The following NRXN3 variants were observed in gnomAD, a reference collection of about 807,000 sequenced individuals.
NRXN3 encodes the protein neurexin 3.
In NRXN3, 32 loss-of-function variants were observed where a neutral mutation model predicts 137.6. The ratio of observed to expected loss-of-function variants is 0.23; its 90% CI spans 0.18 to 0.31. The LOEUF (loss-of-function observed/expected upper bound fraction) is 0.31, where lower values mean the gene tolerates loss of function less well. Among genes scored for constraint, NRXN3 ranks in the 10% least tolerant of loss-of-function variants. The pLI, the probability that NRXN3 is intolerant of heterozygous loss-of-function variation, is 1.00. For synonymous variants in NRXN3, 798 were observed against 784.5 expected, an observed-to-expected ratio of 1.02 and a Z score of -0.29; for missense variants, 1,574 against 2,062.5, an observed-to-expected ratio of 0.76 and a Z score of 4.59.
At chr14:78,934,329 G>A (rs779561947) in intron 10 of NRXN3, among the ~76,000 whole-genome samples, 5 of 152,076 alleles carry the variant, frequency 3.3e-5, no homozygotes, top group Non-Finnish European at 7.4e-5. Context: ...TTCATTAAAG[G>A]AAAGTGTCCC....
chr14:79,164,097 C>A (rs780678569), intron 15 of NRXN3, among the ~76,000 whole-genome samples: 24 of 151,884 alleles, frequency 1.6e-4, no homozygotes, highest in Non-Finnish European at 2.9e-4. Context: ...TCCTTAATAA[C>A]CTTATGAATA....
intron 8 of NRXN3, among the ~76,000 whole-genome samples, chr14:78,759,467 G>C (rs901045001): frequency 6.6e-6 from 1 of 152,168 alleles, no homozygotes; most frequent in Non-Finnish European, 1.5e-5. Flanking sequence ...GTAAGCAGAG[G>C]AGTAAATATT....
At chr14:78,827,044 C>T (rs2098968671) in intron 10 of NRXN3, among the ~76,000 whole-genome samples, 1 of 152,096 alleles carries the variant, frequency 6.6e-6, no homozygotes, top group Admixed American at 6.6e-5. Context: ...TTATCCATGC[C>T]TATGTCATGA....
chr14:78,301,251 G>C (rs2076850658), intron 4 of NRXN3, among the ~76,000 whole-genome samples: 1 of 152,148 alleles, frequency 6.6e-6, no homozygotes, highest in South Asian at 2.1e-4. Flanking sequence ...GTTCAGAAGG[G>C]TGGAACTGGG....
chr14:79,170,226 A>G (rs946421868), intron 15 of NRXN3, among the ~76,000 whole-genome samples: 5 of 152,162 alleles, frequency 3.3e-5, no homozygotes, highest in African/African-American at 1.2e-4. Flanking sequence ...TTTATTCTGC[A>G]TTCTAGGAGT....
At position 79,861,652 on chromosome 14, in the gene NRXN3, T is replaced by A; in HGVS notation, c.4404T>A (p.Asn1468Lys). The part of the protein sequence containing the change: ...SPLITSPMFR[N>K]VPTANPTEPG... Reference sequence around the variant, plus strand: ...TAATTACTTCCCCCATGTTCCGTAATGTGCCCACAGCAAACCCCACGGAGC... The same window carrying A: ...TAATTACTTCCCCCATGTTCCGTAAAGTGCCCACAGCAAACCCCACGGAGC... Residue 1468 changes from asparagine to lysine, a missense_variant, in exon 21 of 21, where the codon AAT (asparagine) becomes AAA (lysine). Around this residue, in one of 5 missense-constraint regions of NRXN3, gnomAD observed 320 missense variants for 387.1 expected, o/e 0.83. Transcript: ENST00000335750. The surrounding 1 kb of genome is among the most constrained non-coding windows in gnomAD (Gnocchi z 5.4). 6.2e-7 allele frequency: 1 copy of A among 1,614,144 alleles called. No homozygotes were observed. Among genetic ancestry groups the A allele is most frequent in the Non-Finnish European group, 8.5e-7 (1 of 1,180,032 alleles).
At chr14:79,684,817 G>A (rs1020549281) in intron 17 of NRXN3, among the ~76,000 whole-genome samples, 5 of 152,138 alleles carry the variant, frequency 3.3e-5, no homozygotes, top group Admixed American at 3.3e-4. Flanking sequence ...AGAGGAGATG[G>A]GGATGGGGAG....
intron 6 of NRXN3, among the ~76,000 whole-genome samples, chr14:78,679,127 G>A (rs1178241476): frequency 3.3e-5 from 5 of 152,202 alleles, no homozygotes; most frequent in Non-Finnish European, 2.9e-5. Flanking sequence ...ATAAATGATT[G>A]TTTTCATAGA....
chr14:78,433,305 C>A (rs772029615), intron 4 of NRXN3, among the ~76,000 whole-genome samples: 5 of 152,120 alleles, frequency 3.3e-5, no homozygotes, highest in Non-Finnish European at 2.9e-5. Flanking sequence ...ACTTATGCTT[C>A]AAATCTCTGA....
intron 1 of NRXN3, among the ~76,000 whole-genome samples, chr14:78,227,372 A>C (rs1421031449): frequency 6.6e-6 from 1 of 152,048 alleles, no homozygotes; most frequent in African/African-American, 2.4e-5. Flanking sequence ...CTTATTTGTC[A>C]TATGGAGGTT....
chr14:79,472,409 T>C (rs2096521600), intron 16 of NRXN3, among the ~76,000 whole-genome samples: 1 of 152,196 alleles, frequency 6.6e-6, no homozygotes, highest in Admixed American at 6.5e-5. Context: ...ATAAAAATGA[T>C]TTAGAAATTG....
intron 1 of NRXN3, among the ~76,000 whole-genome samples, chr14:78,174,455 A>T (rs1433841041): frequency 6.6e-6 from 1 of 151,872 alleles, no homozygotes; most frequent in African/African-American, 2.4e-5. Context: ...TCTCCTCTCT[A>T]CAGATGATTC....
intron 17 of NRXN3, among the ~76,000 whole-genome samples, chr14:79,689,417 T>C (rs1310065032): frequency 1.3e-5 from 2 of 152,046 alleles, no homozygotes; most frequent in African/African-American, 4.8e-5. Context: ...ATGTTTGAGA[T>C]AAATTAAAAT....
intron 8 of NRXN3, among the ~76,000 whole-genome samples, chr14:78,792,257 C>CAAAA (rs140968788): frequency 5.1e-4 from 10 of 19,456 alleles, no homozygotes; most frequent in African/African-American, 2.2e-3. Context: ...AGACTAAAGG[C>CAAAA]AAAAAAAAAA....
intron 15 of NRXN3, among the ~76,000 whole-genome samples, chr14:79,350,550 C>T (rs986944292): frequency 2.0e-5 from 3 of 152,106 alleles, no homozygotes; most frequent in Non-Finnish European, 4.4e-5. Flanking sequence ...TCCCTCTGTT[C>T]GGGAGTGTGT....
intron 6 of NRXN3, among the ~76,000 whole-genome samples, chr14:78,656,168 A>AGTCAAACATGT (rs2097783301): frequency 6.6e-6 from 1 of 152,190 alleles, no homozygotes; most frequent in African/African-American, 2.4e-5. Flanking sequence ...TACAAATATG[A>AGTCAAACATGT]GTCAAACATG....
intron 10 of NRXN3, among the ~76,000 whole-genome samples, chr14:78,858,762 T>C (rs2099064339): frequency 6.6e-6 from 1 of 152,206 alleles, no homozygotes; most frequent in Non-Finnish European, 1.5e-5. Context: ...CTGCTCCACA[T>C]GATTCCTTTG....
intron 4 of NRXN3, among the ~76,000 whole-genome samples, chr14:78,461,359 A>G (rs2094915675): frequency 6.6e-6 from 1 of 151,290 alleles, no homozygotes; most frequent in Admixed American, 6.6e-5. Context: ...ACTAATCTCA[A>G]GTCTAGGGGT....
intron 1 of NRXN3, among the ~76,000 whole-genome samples, chr14:78,195,651 T>C (rs1322809921): frequency 6.6e-6 from 1 of 152,082 alleles, no homozygotes; most frequent in Non-Finnish European, 1.5e-5. Flanking sequence ...GGAGAGCAAC[T>C]GCGGGCGTCT....
Sources: allele counts gnomAD v4.1 joint callset (sites outside exome capture counted in the v4.1 genomes callset), GRCh38; gene constraint gnomAD v4.1.1; regional missense constraint gnomAD v4.1.1; non-coding constraint Gnocchi (gnomAD v3.1); transcripts MANE v1.5; gene names NCBI Gene and HGNC (gene_info 2026-07-23, HGNC 2026-07-21).